MAP3K13: variants seen among roughly 807,000 people sequenced by gnomAD.
MAP3K13 encodes leucine zipper-bearing kinase.
A neutral mutation model predicts 104.0 loss-of-function variants in MAP3K13; 52 were observed. The observed-to-expected ratio is 0.50, with a 90% CI of 0.40 to 0.63. The LOEUF is 0.63. MAP3K13 is among the 20% of genes least tolerant of loss of function. The pLI is 0.00. For missense variants in MAP3K13, 914 were observed against 1,218.5 expected (o/e 0.75, Z 3.72); for synonymous variants, 394 against 442.2 (o/e 0.89, Z 1.37).
intron 2 of MAP3K13, among the ~76,000 whole-genome samples, chr3:185,311,543 A>G (rs772506430): frequency 3.3e-5 from 5 of 152,258 alleles, no homozygotes; most frequent in Non-Finnish European, 4.4e-5. Context: ...TCATGTGTCT[A>G]CCATAAGCCC....
At chr3:185,431,691 A>G (rs1187777312) in intron 2 of MAP3K13, among the ~76,000 whole-genome samples, 1 of 152,230 alleles carries the variant, frequency 6.6e-6, no homozygotes, top group East Asian at 1.9e-4. Flanking sequence ...CTTTTAGTCA[A>G]GACTGTTGAC....
At chr3:185,372,106 T>G (rs1459767467) in intron 1 of MAP3K13, among the ~76,000 whole-genome samples, 14 of 152,220 alleles carry the variant, frequency 9.2e-5, no homozygotes, top group Admixed American at 9.2e-4. Flanking sequence ...CATAACAAAT[T>G]TAGATACTAT....
intron 2 of MAP3K13, among the ~76,000 whole-genome samples, chr3:185,297,556 G>C (rs905426890): frequency 1.1e-4 from 16 of 152,086 alleles, no homozygotes; most frequent in African/African-American, 3.4e-4. Context: ...CCAACATGGT[G>C]AAACCCTGTC....
At chr3:185,402,830 G>C (rs1251359863) in intron 1 of MAP3K13, among the ~76,000 whole-genome samples, 1 of 152,178 alleles carries the variant, frequency 6.6e-6, no homozygotes, top group Non-Finnish European at 1.5e-5. Context: ...TGGGCAATGT[G>C]CCTCTGAATT....
At position 185,488,205 on chromosome 3, in the gene MAP3K13, A is replaced by C. The variant is rs1718811920; in HGVS notation, c.*5749A>C. 6.6e-6 allele frequency: 1 copy of C among 152,188 alleles called. No homozygotes were observed. The highest frequency in any genetic ancestry group is 6.5e-5 in the Admixed American group (1 of 15,276). 9.4% of individuals were successfully genotyped at this position (152,188 alleles called of 1,614,324 possible). On this transcript the variant is annotated 3_prime_UTR_variant, in exon 14 of 14. Coordinates refer to ENST00000265026, the MANE Select transcript of MAP3K13 (RefSeq NM_004721.5). ...CCAAAACAATGTGACATTCTTTTCG[A>C]GACTTTGACTTGTACGGTCAGTATG...
chr3:185,410,764 G>C (rs1304762541), intron 1 of MAP3K13, among the ~76,000 whole-genome samples: 3 of 151,930 alleles, frequency 2.0e-5, no homozygotes, highest in African/African-American at 7.3e-5. Flanking sequence ...GAGAAACCCC[G>C]TCTCTACTGA....
chr3:185,467,769 G>A (rs1285413527), intron 10 of MAP3K13, among the ~76,000 whole-genome samples: 3 of 145,710 alleles, frequency 2.1e-5, no homozygotes, highest in Non-Finnish European at 3.0e-5. Flanking sequence ...GTGACAGAGC[G>A]AGACTCTGTC....
At chr3:185,451,076 C>T (rs532527505) in intron 6 of MAP3K13, among the ~76,000 whole-genome samples, 2 of 151,978 alleles carry the variant, frequency 1.3e-5, no homozygotes, top group Non-Finnish European at 2.9e-5. Flanking sequence ...AGTGACAGAG[C>T]GAGACTCCGT....
At chr3:185,323,188 C>T (rs569717500) in intron 2 of MAP3K13, among the ~76,000 whole-genome samples, 1 of 152,266 alleles carries the variant, frequency 6.6e-6, no homozygotes, top group African/African-American at 2.4e-5. Flanking sequence ...ATAACTATGG[C>T]TCATTTATCA....
intron 2 of MAP3K13, among the ~76,000 whole-genome samples, chr3:185,344,841 T>C (rs1722856139): frequency 2.0e-5 from 3 of 152,148 alleles, no homozygotes; most frequent in Non-Finnish European, 4.4e-5. Context: ...TATAATGTTA[T>C]TGGAAATGGG....
chr3:185,455,748 T>A (rs868266804), intron 7 of MAP3K13, among the ~76,000 whole-genome samples: 4 of 35,806 alleles, frequency 1.1e-4, no homozygotes, highest in African/African-American at 1.3e-4. Context: ...GATATATATA[T>A]GATATATATA....
At chr3:185,455,383 T>G (rs62650463) in intron 7 of MAP3K13, among the ~76,000 whole-genome samples, 23,555 of 32,112 alleles carry the variant, frequency 0.73, 9,554 homozygotes, top group Middle Eastern at 0.91. Context: ...ATATATATGA[T>G]ATATATATCA....
At chr3:185,476,495 T>C (rs1039569456) in intron 11 of MAP3K13, 4 of 152,244 alleles carry the variant, frequency 2.6e-5, no homozygotes, top group Admixed American at 6.5e-5. Flanking sequence ...TTACAAGCGA[T>C]TGGGTAATCC....
At chr3:185,349,359 C>G (rs1226830370) in intron 2 of MAP3K13, among the ~76,000 whole-genome samples, 4 of 152,028 alleles carry the variant, frequency 2.6e-5, no homozygotes, top group Non-Finnish European at 5.9e-5. Context: ...TAAGTGAAAA[C>G]GTGTAGTATT....
At chr3:185,388,278 G>A (rs1711814272) in intron 1 of MAP3K13, among the ~76,000 whole-genome samples, 1 of 152,090 alleles carries the variant, frequency 6.6e-6, no homozygotes, top group African/African-American at 2.4e-5. Flanking sequence ...GAGGCAGGTG[G>A]ATCACTTGAG....
chr3:185,285,417 T>C, intron 1 of MAP3K13: 1 of 431,878 alleles, frequency 2.3e-6, no homozygotes, highest in Non-Finnish European at 4.2e-6. Context: ...CCACTAAATT[T>C]TGGACATCTA....
intron 2 of MAP3K13, among the ~76,000 whole-genome samples, chr3:185,352,626 TG>T (rs1242351097): frequency 2.0e-5 from 3 of 152,234 alleles, no homozygotes; most frequent in Non-Finnish European, 2.9e-5. Context: ...TGAAATAGGC[TG>T]AGATCAGGCT....
At position 185,418,893 on chromosome 3, in the gene MAP3K13, C is replaced by G; in HGVS notation, c.-85-9604C>G. Reference sequence around the variant, plus strand: ...AGTTCTCTTAATCATGATCATTCTGCCTTTTCTAGAATCAAATGTGAATCT... The same window carrying G: ...AGTTCTCTTAATCATGATCATTCTGGCTTTTCTAGAATCAAATGTGAATCT... On this transcript the variant is annotated intron_variant, in intron 1 of 13. Coordinates refer to ENST00000265026, the MANE Select transcript of MAP3K13 (RefSeq NM_004721.5). The surrounding 1 kb of genome is among the most constrained non-coding windows in gnomAD (Gnocchi z 4.5). 1 of 1,143,760 alleles carries G rather than the reference C, an allele frequency of 8.7e-7. No homozygotes were observed. Among genetic ancestry groups the G allele is most frequent in the South Asian group, 1.7e-5 (1 of 57,536 alleles). The allele number at this position is 1,143,760 out of a possible 1,614,324, so 70.9% of individuals were successfully genotyped here.
At chr3:185,329,239 A>G (rs1257590369) in intron 2 of MAP3K13, 1 of 703,198 alleles carries the variant, frequency 1.4e-6, no homozygotes, top group Non-Finnish European at 2.6e-6. Context: ...GTTTACAGTT[A>G]GAAAATAAAA....
Sources: gnomAD v4.1 joint callset for allele counts (sites outside exome capture counted in the v4.1 genomes callset) on GRCh38, gnomAD v4.1.1 for gene constraint, Gnocchi (gnomAD v3.1) non-coding constraint, MANE v1.5 for transcripts, NCBI Gene and HGNC (gene_info 2026-07-23, HGNC 2026-07-21) for gene names.